Variants in CELF2 observed in about 807,000 individuals in gnomAD.
The protein encoded by CELF2 is CUGBP Elav-like family member 2, also known as CUG triplet repeat RNA-binding protein 2.
Under a neutral mutation model 62.6 loss-of-function variants are expected in CELF2, and 8 were observed. The observed-to-expected ratio is 0.13, with a 90% CI of 0.07 to 0.23. CELF2 has a LOEUF of 0.23. Among genes scored for constraint, CELF2 ranks in the 10% least tolerant of loss-of-function variants. The pLI, the probability that CELF2 is intolerant of heterozygous loss-of-function variation, is 1.00. For synonymous variants in CELF2, 258 were observed against 250.0 expected (o/e 1.03, Z -0.30); for missense variants, 333 against 671.0 (o/e 0.50, Z 5.56).
intron 1 of CELF2, among the ~76,000 whole-genome samples, chr10:10,832,069 A>ATTTT (rs1564687610): frequency 6.6e-6 from 1 of 151,854 alleles, no homozygotes; most frequent in Admixed American, 6.6e-5. Flanking sequence ...GGAGTTCGAG[A>ATTTT]CTATCCTGGC....
intron 3 of CELF2, among the ~76,000 whole-genome samples, chr10:11,218,788 C>T (rs1309763065): frequency 2.0e-5 from 3 of 152,152 alleles, no homozygotes; most frequent in East Asian, 3.9e-4. Flanking sequence ...AAGTGCTTCA[C>T]TCAGTGACTT....
At chr10:11,094,374 G>T (rs1182946764) in intron 1 of CELF2, among the ~76,000 whole-genome samples, 7 of 152,202 alleles carry the variant, frequency 4.6e-5, no homozygotes, top group African/African-American at 7.2e-5. Context: ...ACTAGGATAT[G>T]CAGTCCACTT....
At position 11,075,561 on chromosome 10, in the gene CELF2, T is replaced by G. The variant is rs928098289; in HGVS notation, c.74+57398T>G. 1.3e-5 allele frequency among the ~76,000 whole-genome samples: 2 copies of G among 152,180 alleles called. No homozygotes were observed. The highest frequency in any genetic ancestry group is 1.3e-4 in the Admixed American group (2 of 15,266). On this transcript the variant is annotated intron_variant, in intron 1 of 12. Coordinates refer to ENST00000633077, the MANE Select transcript of CELF2 (RefSeq NM_001326342.2). The surrounding 1 kb of genome is among the most constrained non-coding windows in gnomAD (Gnocchi z 5.4). ...AGCTCTAAGAAACTCAAAAGAAGGCTGCTGTGTAAATTAAGTGGATTATTG... is the reference window on the plus strand; with the variant it reads ...AGCTCTAAGAAACTCAAAAGAAGGCGGCTGTGTAAATTAAGTGGATTATTG...
chr10:11,054,521 G>T (rs2064774973), intron 1 of CELF2, among the ~76,000 whole-genome samples: 1 of 150,606 alleles, frequency 6.6e-6, no homozygotes, highest in African/African-American at 2.5e-5. Flanking sequence ...GTGTGTGTGT[G>T]TTAATAGGAC....
At chr10:10,502,656 C>G in the CELF2 span, among the ~76,000 whole-genome samples, 3 of 151,838 alleles carry the variant, frequency 2.0e-5, no homozygotes, top group Non-Finnish European at 4.4e-5. Context: ...TTTGCATATT[C>G]TTTTTTTCTT....
At chr10:10,669,899 C>CTTTTTTTTTTTTTTTTTTTTTTT in the CELF2 span, among the ~76,000 whole-genome samples, 1 of 84,214 alleles carries the variant, frequency 1.2e-5, no homozygotes. Context: ...TCTTATATGC[C>CTTTTTTTTTTTTTTTTTTTTTTT]TTTTTTTTTT....
At chr10:10,654,059 A>G in the CELF2 span, among the ~76,000 whole-genome samples, 1 of 149,542 alleles carries the variant, frequency 6.7e-6, no homozygotes, top group Admixed American at 6.6e-5. Flanking sequence ...CCACAGAAAT[A>G]CAAACTACCA....
At chr10:10,946,481 A>T in intron 2 of CELF2, 1 of 152,790 alleles carries the variant, frequency 6.5e-6, no homozygotes, top group East Asian at 1.9e-4. Context: ...AGTAGTAAGC[A>T]TAAAAATGTA....
the CELF2 span, among the ~76,000 whole-genome samples, chr10:10,625,659 T>C: frequency 6.6e-6 from 1 of 152,152 alleles, no homozygotes; most frequent in Non-Finnish European, 1.5e-5. Flanking sequence ...GAAAGGACCC[T>C]TGTAGGGCCA....
chr10:11,257,932 G>C, intron 5 of CELF2, 60 bp downstream of exon 5: 1 of 1,596,562 alleles, frequency 6.3e-7, no homozygotes, highest in East Asian at 2.2e-5. Flanking sequence ...CTGTGTCACA[G>C]TCGAGACAGA....
chr10:11,066,038 G>A (rs1260762770), intron 1 of CELF2, among the ~76,000 whole-genome samples: 1 of 152,168 alleles, frequency 6.6e-6, no homozygotes, highest in Non-Finnish European at 1.5e-5. Context: ...GGAACCCAAA[G>A]GCCATTGTGG....
intron 2 of CELF2, among the ~76,000 whole-genome samples, chr10:10,927,725 AACCTAAAATTT>A (rs2065670324): frequency 6.6e-6 from 1 of 152,028 alleles, no homozygotes; most frequent in Non-Finnish European, 1.5e-5. Flanking sequence ...TACCATGCCC[AACCTAAAATTT>A]ATCTTCACTT....
At chr10:10,746,374 T>C in the CELF2 span, among the ~76,000 whole-genome samples, 1 of 152,216 alleles carries the variant, frequency 6.6e-6, no homozygotes, top group Non-Finnish European at 1.5e-5. Flanking sequence ...TTACAGAGAA[T>C]GTAAGAATTT....
At chr10:10,753,979 T>TG in the CELF2 span, among the ~76,000 whole-genome samples, 1 of 151,900 alleles carries the variant, frequency 6.6e-6, no homozygotes, top group Non-Finnish European at 1.5e-5. Flanking sequence ...ATTAGGTTCC[T>TG]GCTTGTTGAG....
chr10:10,616,757 T>C, the CELF2 span, among the ~76,000 whole-genome samples: 62 of 151,272 alleles, frequency 4.1e-4, 2 homozygotes, highest in African/African-American at 1.5e-3. Flanking sequence ...TCTTATTCTG[T>C]CACTCAGGCT....
rs2074723738 is a variant in CELF2 at position 11,243,702 on chromosome 10, C to T, written c.355-5451C>T. Among the ~76,000 whole-genome samples, 2 of 152,236 alleles carry T rather than the reference C, an allele frequency of 1.3e-5. No homozygotes were observed. Among genetic ancestry groups the T allele is most frequent in the South Asian group, 4.1e-4 (2 of 4,830 alleles). ...GGCTGGTGTTTGTAAAATTCTTAGA[C>T]TCGTCGAACAGCATAGACAGATCAT... On this transcript the variant is annotated intron_variant, in intron 3 of 12. Transcript: ENST00000633077. The surrounding 1 kb of genome is among the most constrained non-coding windows in gnomAD (Gnocchi z 4.1).
chr10:10,509,085 C>T, the CELF2 span, among the ~76,000 whole-genome samples: 3 of 152,190 alleles, frequency 2.0e-5, no homozygotes, highest in Non-Finnish European at 4.4e-5. Flanking sequence ...ATGTGTAATT[C>T]CTAAGAATCT....
At chr10:10,798,430 A>G (rs2054294509), upstream of CELF2, 1 of 231,144 alleles carries the variant, frequency 4.3e-6, no homozygotes, top group Admixed American at 5.7e-5. Context: ...TTTGTTCCCA[A>G]AGAAAGCCAA....
At chr10:10,729,234 C>G in the CELF2 span, among the ~76,000 whole-genome samples, 5 of 152,204 alleles carry the variant, frequency 3.3e-5, no homozygotes, top group Admixed American at 6.5e-5. Flanking sequence ...CAGACCTTAG[C>G]TGTGCCCTTT....
Sources: gnomAD v4.1 joint callset for allele counts (sites outside exome capture counted in the v4.1 genomes callset) on GRCh38, gnomAD v4.1.1 for gene constraint, Gnocchi (gnomAD v3.1) non-coding constraint, MANE v1.5 for transcripts, NCBI Gene and HGNC (gene_info 2026-07-23, HGNC 2026-07-21) for gene names.